Variants in HMGXB4 observed in about 807,000 individuals in gnomAD.
HMGXB4 encodes HMG-box containing 4.
In HMGXB4, 27 loss-of-function variants were observed where a neutral mutation model predicts 63.9. That is an observed-to-expected ratio of 0.42 (90% CI 0.31 to 0.58). The LOEUF (loss-of-function observed/expected upper bound fraction) is 0.58, where lower values mean the gene tolerates loss of function less well. Ranked by LOEUF, HMGXB4 falls within the 20% of genes least tolerant of loss-of-function variation. The pLI is 0.13. For missense variants in HMGXB4, 624 were observed against 700.7 expected (o/e 0.89, Z 1.24); for synonymous variants, 264 against 265.3 (o/e 0.99, Z 0.05).
chr22:35,288,863 C>T (rs182474339), intron 9 of HMGXB4, among the ~76,000 whole-genome samples: 2 of 152,246 alleles, frequency 1.3e-5, no homozygotes, highest in East Asian at 1.9e-4. Context: ...AAAATGGGGC[C>T]GGGCGTGGTG....
the HMGXB4 span, among the ~76,000 whole-genome samples, chr22:35,250,038 C>T: frequency 1.6e-5 from 1 of 63,124 alleles, no homozygotes; most frequent in African/African-American, 3.1e-5. Flanking sequence ...CAGAAAATGC[C>T]ACTGCTTGTC....
In HMGXB4 at chr22:35,293,702, T is replaced by C; in HGVS notation, c.*51T>C. ...CTTATCCTACACCATTGCTGGTTTGTGTATATATGACTGTTGCAGATTCCT... is the reference window on the plus strand; with the variant it reads ...CTTATCCTACACCATTGCTGGTTTGCGTATATATGACTGTTGCAGATTCCT... On this transcript the variant is annotated 3_prime_UTR_variant, in exon 11 of 11. Transcript: ENST00000216106. 7.0e-7 allele frequency: 1 copy of C among 1,423,864 alleles called. No homozygotes were observed. Among genetic ancestry groups the C allele is most frequent in the Non-Finnish European group, 9.9e-7 (1 of 1,007,234 alleles). 88.2% of individuals were successfully genotyped at this position (1,423,864 alleles called of 1,614,324 possible).
chr22:35,264,953 G>A lies in HMGXB4; in HGVS notation c.565G>A (p.Gly189Ser), dbSNP rs1396231887. 6.2e-7 allele frequency: 1 copy of A among 1,614,114 alleles called. No homozygotes were observed. Among genetic ancestry groups the A allele is most frequent in the Non-Finnish European group, 8.5e-7 (1 of 1,180,014 alleles). The stretch of plus-strand genomic sequence containing the variant: ...GACACTGACCCTTCGGGAGCCTGAT[G>A]GTTTAAAAATGAAACTTATTCTGTC... ...TETLTLREPD[G>S]LKMKLILSPK... Residue 189 changes from glycine (G) to serine (S), a missense_variant, in exon 5 of 11, where the codon GGT becomes AGT. Gly to Ser is a moderately conservative substitution (Grantham distance 56). Transcript: ENST00000216106.
chr22:35,290,083 T>G (rs548772679), intron 9 of HMGXB4, among the ~76,000 whole-genome samples: 1 of 152,360 alleles, frequency 6.6e-6, no homozygotes, highest in Non-Finnish European at 1.5e-5. Context: ...TCATATAGGC[T>G]CGATATCTGA....
intron 5 of HMGXB4, among the ~76,000 whole-genome samples, chr22:35,275,322 C>A (rs759340159): frequency 1.3e-5 from 2 of 151,860 alleles, no homozygotes; most frequent in African/African-American, 4.8e-5. Flanking sequence ...GTTTCACCAC[C>A]TTGGCCAGGC....
At chr22:35,286,118 T>A in intron 7 of HMGXB4, 57 bp downstream of exon 7, 1 of 1,225,316 alleles carries the variant, frequency 8.2e-7, no homozygotes, top group Non-Finnish European at 1.2e-6. Context: ...CCAAAATATG[T>A]AATTCTTCCA....
At chr22:35,253,063 C>T (rs1922251964), upstream of HMGXB4, among the ~76,000 whole-genome samples, 1 of 143,684 alleles carries the variant, frequency 7.0e-6, no homozygotes, top group Admixed American at 7.5e-5. Flanking sequence ...ATCCGGGAGG[C>T]GGAGGTTGCA....
At chr22:35,275,362 C>T (rs1923849767) in intron 5 of HMGXB4, among the ~76,000 whole-genome samples, 1 of 152,076 alleles carries the variant, frequency 6.6e-6, no homozygotes, top group African/African-American at 2.4e-5. Flanking sequence ...TCAGGTGATC[C>T]ACCTGCCTCG....
chr22:35,277,599 T>C (rs1478492034), intron 5 of HMGXB4, among the ~76,000 whole-genome samples: 3 of 152,212 alleles, frequency 2.0e-5, no homozygotes, highest in African/African-American at 7.2e-5. Flanking sequence ...CTGCCCGCCT[T>C]GGCCTCCCAA....
At chr22:35,246,367 C>T in the HMGXB4 span, among the ~76,000 whole-genome samples, 174 of 152,248 alleles carry the variant, frequency 1.1e-3, no homozygotes, top group Non-Finnish European at 1.9e-3. Context: ...CTCCGCCTCC[C>T]GGGTTCACAC....
intron 5 of HMGXB4, among the ~76,000 whole-genome samples, chr22:35,272,693 T>G (rs546528438): frequency 3.9e-5 from 6 of 152,292 alleles, no homozygotes; most frequent in Middle Eastern, 3.4e-3. Flanking sequence ...TCCAGCACTT[T>G]GGGAGGCCAA....
chr22:35,253,600 T>TGCGCGCGC (rs55731093), upstream of HMGXB4, among the ~76,000 whole-genome samples: 1 of 151,046 alleles, frequency 6.6e-6, no homozygotes, highest in East Asian at 2.0e-4. Context: ...TTGGATTTTG[T>TGCGCGCGC]GCGCGCGCGC....
Position 35,294,883 on chromosome 22 carries a change from T to C in HMGXB4, c.*1232T>C, listed in dbSNP as rs1925172521. 1 of 152,142 alleles carries C rather than the reference T, an allele frequency of 6.6e-6. No individual in the cohort carries two copies. The highest frequency in any genetic ancestry group is 1.5e-5 in the Non-Finnish European group (1 of 68,014). 9.4% of individuals were successfully genotyped at this position (152,142 alleles called of 1,614,324 possible). On this transcript the variant is annotated 3_prime_UTR_variant, in exon 11 of 11. Transcript: ENST00000216106. The stretch of plus-strand genomic sequence containing the variant: ...TCCAAAAACTCTGAATCATCTACAT[T>C]TTAAGGTATTTTACCTCAAAAATGA...
rs1568997057 is a variant in HMGXB4, at chr22:35,265,594, A to T, written c.1206A>T (p.Arg402Ser). Residue 402 changes from arginine to serine, a missense_variant, in exon 5 of 11, where the codon AGA (arginine) becomes AGT (serine). This residue lies in a region of HMGXB4 where 472 missense variants were observed against 470.6 expected (regional missense o/e 1.00). Transcript: ENST00000216106. Reference sequence around the variant, plus strand: ...AAGAGAAGGACAAAGAGAGAGAGAGAGGAGAAAAGGTAAAGCATCTTTTAA... The same window carrying T: ...AAGAGAAGGACAAAGAGAGAGAGAGTGGAGAAAAGGTAAAGCATCTTTTAA... ...KKEEKDKERE[R>S]GEKPKKKNMS... The T allele has an allele frequency of 6.4e-7, 1 of 1,569,076 alleles. No individual in the cohort carries two copies. The highest frequency in any genetic ancestry group is 2.3e-5 in the East Asian group (1 of 44,236).
At chr22:35,245,702 C>T in the HMGXB4 span, among the ~76,000 whole-genome samples, 1 of 152,132 alleles carries the variant, frequency 6.6e-6, no homozygotes, top group Non-Finnish European at 1.5e-5. Context: ...ACCACTCTAG[C>T]AGGGCAAAGA....
At chr22:35,241,976 A>G in the HMGXB4 span, among the ~76,000 whole-genome samples, 2 of 151,986 alleles carry the variant, frequency 1.3e-5, no homozygotes, top group Non-Finnish European at 2.9e-5. Flanking sequence ...TTTACTAAGG[A>G]TGTTTGTGCC....
chr22:35,290,766 A>C (rs1924890162), intron 9 of HMGXB4, among the ~76,000 whole-genome samples: 2 of 152,050 alleles, frequency 1.3e-5, no homozygotes, highest in African/African-American at 4.8e-5. Context: ...CATACCACTT[A>C]ATACTTTTAC....
At chr22:35,273,484 A>G (rs1433031280) in intron 5 of HMGXB4, among the ~76,000 whole-genome samples, 4 of 152,222 alleles carry the variant, frequency 2.6e-5, no homozygotes, top group Non-Finnish European at 5.9e-5. Flanking sequence ...TAGGTGGTGC[A>G]TGTAACATGC....
At chr22:35,258,658 T>G (rs1922627368) in intron 1 of HMGXB4, 1 of 152,284 alleles carries the variant, frequency 6.6e-6, no homozygotes, top group South Asian at 2.1e-4. Flanking sequence ...GTTCGGAGAT[T>G]GGAAGAAACC....
Sources: allele counts gnomAD v4.1 joint callset (sites outside exome capture counted in the v4.1 genomes callset), GRCh38; gene constraint gnomAD v4.1.1; regional missense constraint gnomAD v4.1.1; transcripts MANE v1.5; gene names NCBI Gene and HGNC (gene_info 2026-07-23, HGNC 2026-07-21).